DNAAF4: variants seen among roughly 807,000 people sequenced by gnomAD.
The protein encoded by DNAAF4 is dynein axonemal assembly factor 4, also known as dynein assembly factor 4, axonemal.
In DNAAF4, 43 loss-of-function variants were observed where a neutral mutation model predicts 51.8. That is an observed-to-expected ratio of 0.83 (90% CI 0.65 to 1.07). The LOEUF is 1.07. Ranked by LOEUF, DNAAF4 falls within the 50% of genes least tolerant of loss-of-function variation. DNAAF4 has a pLI of 0.00. For synonymous variants in DNAAF4, 194 were observed against 165.6 expected, an observed-to-expected ratio of 1.17 and a Z score of -1.32; for missense variants, 581 against 493.0, an observed-to-expected ratio of 1.18 and a Z score of -1.69.
chr15:55,473,369 G>GTATATATATATATA (rs372477096), intron 4 of DNAAF4, among the ~76,000 whole-genome samples: 1 of 130,916 alleles, frequency 7.6e-6, no homozygotes, highest in Non-Finnish European at 1.6e-5. Context: ...ATGTGTGTGT[G>GTATATATATATATA]TATATATATA....
chr15:55,447,676 G>A (rs2057855463), intron 6 of DNAAF4, among the ~76,000 whole-genome samples: 1 of 149,602 alleles, frequency 6.7e-6, no homozygotes, highest in African/African-American at 2.5e-5. Flanking sequence ...CAGTCGGCAG[G>A]CCGAGGCAGG....
At position 55,479,236 on chromosome 15, in the gene DNAAF4, T is replaced by G. The variant is rs370933950; in HGVS notation, c.405+11887A>C. 5.6e-4 allele frequency among the ~76,000 whole-genome samples: 85 copies of G among 151,824 alleles called. 3 individuals are homozygous for G. In the South Asian group the frequency reaches 0.017, roughly 31 times the overall value. On this transcript the variant is annotated intron_variant, in intron 4 of 9. Coordinates refer to ENST00000321149, the MANE Select transcript of DNAAF4 (RefSeq NM_130810.4). The stretch of plus-strand genomic sequence containing the variant: ...ACAAAACCACTTGGGCAACTCAGAG[T>G]ACTTCCCAAGTGTTGCGGGAAGTCA...
chr15:55,488,285 A>G (rs1445487077), intron 4 of DNAAF4, among the ~76,000 whole-genome samples: 3 of 152,206 alleles, frequency 2.0e-5, no homozygotes, highest in Non-Finnish European at 4.4e-5. Flanking sequence ...CACACAGTAT[A>G]GCGAATTGAC....
At chr15:55,461,106 T>C (rs1234909960) in intron 5 of DNAAF4, among the ~76,000 whole-genome samples, 2 of 151,320 alleles carry the variant, frequency 1.3e-5, no homozygotes, top group African/African-American at 2.4e-5. Context: ...TCTTGCACTG[T>C]TGCCCAGGCT....
intron 4 of DNAAF4, among the ~76,000 whole-genome samples, chr15:55,487,572 T>C (rs1269396497): frequency 1.3e-5 from 2 of 152,090 alleles, no homozygotes; most frequent in Non-Finnish European, 2.9e-5. Context: ...ACTCTTCGGG[T>C]CCGCGCCACC....
chr15:55,423,328 C>T (rs568294351), intron 7 of DNAAF4, among the ~76,000 whole-genome samples: 1 of 152,202 alleles, frequency 6.6e-6, no homozygotes, highest in African/African-American at 2.4e-5. Flanking sequence ...CAACCTCAGC[C>T]TCCCAAGTAG....
At chr15:55,434,221 G>A (rs1703593156) in intron 8 of DNAAF4, among the ~76,000 whole-genome samples, 3 of 148,840 alleles carry the variant, frequency 2.0e-5, no homozygotes, top group African/African-American at 7.4e-5. Context: ...TAGCATTTGT[G>A]GGCTTTTGTA....
At chr15:55,417,929 C>T (rs931683489) in exon 8 of DNAAF4, 1 of 523,608 alleles carries the variant, frequency 1.9e-6, no homozygotes, top group Admixed American at 3.8e-5. Flanking sequence ...TCACAAGGTG[C>T]TCAGTGGGGG....
intron 7 of DNAAF4, among the ~76,000 whole-genome samples, chr15:55,438,615 C>G (rs551219646): frequency 1.3e-5 from 2 of 151,860 alleles, no homozygotes; most frequent in East Asian, 3.9e-4. Flanking sequence ...AACCCCGTCT[C>G]TACTAAAAAT....
intron 6 of DNAAF4, among the ~76,000 whole-genome samples, chr15:55,445,534 G>A (rs371612246): frequency 1.4e-4 from 22 of 152,090 alleles, no homozygotes; most frequent in East Asian, 1.4e-3. Flanking sequence ...ATCATGGCCC[G>A]TTCTCGATGG....
At chr15:55,487,932 G>C (rs1325820806) in intron 4 of DNAAF4, among the ~76,000 whole-genome samples, 1 of 152,052 alleles carries the variant, frequency 6.6e-6, no homozygotes, top group Non-Finnish European at 1.5e-5. Context: ...TATGTGACTT[G>C]ATTTGGCTAA....
At chr15:55,482,552 G>A (rs543075071) in intron 4 of DNAAF4, among the ~76,000 whole-genome samples, 80 of 152,132 alleles carry the variant, frequency 5.3e-4, no homozygotes, top group Non-Finnish European at 1.0e-3. Context: ...GGTGGTGCTT[G>A]CCTGTAATCC....
chr15:55,453,376 A>ATTGTT (rs1360513254), intron 5 of DNAAF4, among the ~76,000 whole-genome samples: 1 of 152,118 alleles, frequency 6.6e-6, no homozygotes, highest in Non-Finnish European at 1.5e-5. Context: ...CAATCAGCAG[A>ATTGTT]CACAACAAAT....
In DNAAF4 at chr15:55,465,684, G is replaced by A. The variant is rs536370026; in HGVS notation, c.637+1246C>T. Among the ~76,000 whole-genome samples, 17 of 150,898 alleles carry A rather than the reference G, an allele frequency of 1.1e-4. 1 individual carries two copies. In the South Asian group the frequency reaches 2.1e-3, roughly 19 times the overall value. ...CAGGTTCAAGCGATTCTCCTGCCTC[G>A]GCCTCCTGAGTAGCTGGGATTACAG... On this transcript the variant is annotated intron_variant, in intron 5 of 9. Transcript: ENST00000321149.
intron 4 of DNAAF4, among the ~76,000 whole-genome samples, chr15:55,482,126 CTTTG>C (rs1404569125): frequency 6.6e-6 from 1 of 152,140 alleles, no homozygotes; most frequent in Non-Finnish European, 1.5e-5. Context: ...TCTTTTATTG[CTTTG>C]TTTGTGCATT....
chr15:55,418,376 A>G, intron 7 of DNAAF4: 1 of 1,536,530 alleles, frequency 6.5e-7, no homozygotes, highest in South Asian at 1.2e-5. Context: ...TCAAATGATT[A>G]TGTATAAAAC....
intron 5 of DNAAF4, among the ~76,000 whole-genome samples, chr15:55,451,930 T>C (rs1296411480): frequency 1.3e-5 from 2 of 152,032 alleles, no homozygotes; most frequent in African/African-American, 2.4e-5. Context: ...CTGTAAATAA[T>C]ATTTTTAAAT....
chr15:55,444,710 CTTTTA>C (rs1021110017), intron 6 of DNAAF4, among the ~76,000 whole-genome samples: 3 of 152,182 alleles, frequency 2.0e-5, no homozygotes, highest in African/African-American at 7.2e-5. Context: ...TTTGTGTCCT[CTTTTA>C]TTTTGTTGAG....
intron 4 of DNAAF4, among the ~76,000 whole-genome samples, chr15:55,471,193 T>C (rs919427104): frequency 3.3e-5 from 5 of 152,038 alleles, no homozygotes; most frequent in Non-Finnish European, 7.4e-5. Flanking sequence ...CCAGCCCCTA[T>C]CAAAATGATG....
Sources: gnomAD v4.1 joint callset for allele counts (sites outside exome capture counted in the v4.1 genomes callset) on GRCh38, gnomAD v4.1.1 for gene constraint, MANE v1.5 for transcripts, NCBI Gene and HGNC (gene_info 2026-07-23, HGNC 2026-07-21) for gene names.